The following CNGA1 variants were observed in gnomAD, a reference collection of about 807,000 sequenced individuals.
CNGA1 encodes the protein cyclic nucleotide gated channel subunit alpha 1.
CNGA1 carries 53 observed loss-of-function variants against 69.7 expected under a neutral mutation model. The ratio of observed to expected loss-of-function variants is 0.76; its 90% CI spans 0.61 to 0.96. The LOEUF is 0.96. CNGA1 is among the 40% of genes least tolerant of loss of function. The pLI is 0.00. For synonymous variants in CNGA1, 249 were observed against 283.5 expected, an observed-to-expected ratio of 0.88 and a Z score of 1.22; for missense variants, 739 against 811.2, an observed-to-expected ratio of 0.91 and a Z score of 1.08.
At position 47,978,125 on chromosome 4, in the gene CNGA1, C is replaced by G. The variant is rs543534574; in HGVS notation, c.-15+3268G>C. On this transcript the variant is annotated intron_variant, in intron 3 of 10. Transcript: ENST00000514170. ...ACAGGCGTGAGCCACCGCGCCCAGC[C>G]CTAAGTGATTTTTATCCTATTTAAT... Among the ~76,000 whole-genome samples the G allele has an allele frequency of 4.5e-4, 68 of 152,226 alleles. 2 individuals carry two copies. In the South Asian group the frequency reaches 0.014, roughly 31 times the overall value.
chr4:47,991,963 G>A (rs911455255), intron 2 of CNGA1, among the ~76,000 whole-genome samples: 2 of 152,154 alleles, frequency 1.3e-5, no homozygotes, highest in Admixed American at 6.5e-5. Context: ...CTTTGTTGAA[G>A]ATCAGTTGGC....
chr4:47,994,392 A>G (rs1230434222), intron 2 of CNGA1, among the ~76,000 whole-genome samples: 1 of 152,132 alleles, frequency 6.6e-6, no homozygotes, highest in Non-Finnish European at 1.5e-5. Context: ...GGATTGTGAT[A>G]GTTTCCTGTT....
intron 9 of CNGA1, 96 bp from the exon 10 acceptor site, chr4:47,940,965 C>T: frequency 1.3e-6 from 1 of 790,102 alleles, no homozygotes; most frequent in Non-Finnish European, 2.2e-6. Context: ...TGATGAGAAG[C>T]ACAGCACACT....
At chr4:47,996,475 T>C (rs1351804588) in intron 2 of CNGA1, among the ~76,000 whole-genome samples, 2 of 152,150 alleles carry the variant, frequency 1.3e-5, no homozygotes, top group African/African-American at 2.4e-5. Context: ...TTTATTAGCA[T>C]AATGGGAATA....
chr4:47,983,285 T>C (rs1741825265), intron 2 of CNGA1, among the ~76,000 whole-genome samples: 1 of 152,204 alleles, frequency 6.6e-6, no homozygotes, highest in Non-Finnish European at 1.5e-5. Context: ...GACTACCTAA[T>C]CTGCTTAAGA....
chr4:48,007,906 A>G (rs996193096), intron 2 of CNGA1, among the ~76,000 whole-genome samples: 2 of 152,208 alleles, frequency 1.3e-5, no homozygotes, highest in African/African-American at 4.8e-5. Flanking sequence ...AAAAACTTAT[A>G]TGAGTTGAAG....
At chr4:47,946,946 G>A (rs1272743125) in intron 6 of CNGA1, among the ~76,000 whole-genome samples, 1 of 152,062 alleles carries the variant, frequency 6.6e-6, no homozygotes. Context: ...ACCACACCTG[G>A]TTAATTTTTG....
At chr4:47,960,378 A>G (rs1740359803) in intron 3 of CNGA1, among the ~76,000 whole-genome samples, 1 of 152,196 alleles carries the variant, frequency 6.6e-6, no homozygotes, top group Non-Finnish European at 1.5e-5. Context: ...CAGTATATGT[A>G]TTTACTCAAT....
chr4:47,973,394 C>G (rs1323412412), intron 3 of CNGA1, among the ~76,000 whole-genome samples: 4 of 152,016 alleles, frequency 2.6e-5, no homozygotes, highest in Non-Finnish European at 5.9e-5. Context: ...CATCTTTAAA[C>G]AAGGATAGTT....
At chr4:48,015,186 C>A (rs1018630951) in intron 1 of CNGA1, among the ~76,000 whole-genome samples, 3 of 151,976 alleles carry the variant, frequency 2.0e-5, no homozygotes, top group South Asian at 2.1e-4. Context: ...TCAAAAAAAA[C>A]CAAACCAAGC....
intron 10 of CNGA1, among the ~76,000 whole-genome samples, chr4:47,938,447 G>A (rs1416481464): frequency 6.6e-6 from 1 of 150,414 alleles, no homozygotes; most frequent in Non-Finnish European, 1.5e-5. Context: ...AGGCTGGAGT[G>A]CAGTGGTGCA....
chr4:47,982,608 T>A (rs553900755), intron 2 of CNGA1, among the ~76,000 whole-genome samples: 11 of 152,294 alleles, frequency 7.2e-5, no homozygotes, highest in Non-Finnish European at 1.5e-4. Context: ...TCCTTATACC[T>A]ACCATTATAT....
At chr4:47,997,923 G>A (rs180952407) in intron 2 of CNGA1, among the ~76,000 whole-genome samples, 385 of 152,172 alleles carry the variant, frequency 2.5e-3, no homozygotes, top group Non-Finnish European at 4.7e-3. Flanking sequence ...AAGTTGAAAA[G>A]GCATTTAATA....
chr4:47,972,034 GTACC>G (rs1359871327), intron 3 of CNGA1, among the ~76,000 whole-genome samples: 1 of 152,078 alleles, frequency 6.6e-6, no homozygotes, highest in Non-Finnish European at 1.5e-5. Flanking sequence ...ATCCTTTTAC[GTACC>G]TATGTAAGCT....
intron 2 of CNGA1, among the ~76,000 whole-genome samples, chr4:47,998,721 T>C (rs759216547): frequency 6.6e-6 from 1 of 152,134 alleles, no homozygotes; most frequent in Non-Finnish European, 1.5e-5. Flanking sequence ...GAAGTTGCAG[T>C]GAGCAGAGAT....
intron 1 of CNGA1, among the ~76,000 whole-genome samples, chr4:48,011,348 A>G (rs1047906707): frequency 6.6e-6 from 1 of 151,950 alleles, no homozygotes; most frequent in Admixed American, 6.6e-5. Flanking sequence ...GAGAGAAAAA[A>G]AACAAAACAA....
intron 3 of CNGA1, among the ~76,000 whole-genome samples, chr4:47,971,320 T>C (rs1741013034): frequency 6.6e-6 from 1 of 151,994 alleles, no homozygotes; most frequent in Non-Finnish European, 1.5e-5. Context: ...GGAAAATATC[T>C]TTCACTGTAT....
At chr4:47,941,771 T>A (rs1261506223) in intron 9 of CNGA1, among the ~76,000 whole-genome samples, 1 of 151,830 alleles carries the variant, frequency 6.6e-6, no homozygotes, top group Non-Finnish European at 1.5e-5. Flanking sequence ...CCCCCGAACG[T>A]CAAATAAAAG....
In CNGA1 at chr4:48,009,464, CA is replaced by C. The variant is rs3033844; in HGVS notation, c.-123+1329del. ...TGGGCAACAGAGCCAGAGTCTGTCTCAAAAAAAAAAAAAAAAAGGACTTTAC... is the reference window on the plus strand; with the variant it reads ...TGGGCAACAGAGCCAGAGTCTGTCTCAAAAAAAAAAAAAAAAGGACTTTAC... On this transcript the variant is annotated intron_variant, in intron 2 of 10. Transcript: ENST00000514170. 4.0e-3 allele frequency among the ~76,000 whole-genome samples: 414 copies of C among 102,302 alleles called. 4 individuals carry two copies. The highest frequency in any genetic ancestry group is 4.5e-3 in the Admixed American group (46 of 10,206). 67.1% of individuals were successfully genotyped at this position (102,302 alleles called of 152,430 possible). A position where few individuals can be genotyped will look rare whatever the true frequency, so the allele number is the denominator to read the frequency against.
Sources: allele counts gnomAD v4.1 joint callset (sites outside exome capture counted in the v4.1 genomes callset), GRCh38; gene constraint gnomAD v4.1.1; transcripts MANE v1.5; gene names NCBI Gene and HGNC (gene_info 2026-07-23, HGNC 2026-07-21).